Variants in ZNF786 observed in about 807,000 individuals in gnomAD.
The protein encoded by ZNF786 is zinc finger protein 786.
In ZNF786, 56 loss-of-function variants were observed where a neutral mutation model predicts 63.1. The ratio of observed to expected loss-of-function variants is 0.89; its 90% CI spans 0.72 to 1.11. The LOEUF is 1.11. Ranked by LOEUF, ZNF786 falls within the 50% of genes least tolerant of loss-of-function variation. ZNF786 has a pLI of 0.00. For synonymous variants in ZNF786, 485 were observed against 406.9 expected (o/e 1.19, Z -2.31); for missense variants, 1,213 against 1,041.8 (o/e 1.16, Z -2.26).
At chr7:149,086,711 AG>A (rs1825745289) in intron 1 of ZNF786, among the ~76,000 whole-genome samples, 1 of 151,986 alleles carries the variant, frequency 6.6e-6, no homozygotes, top group Admixed American at 6.6e-5. Flanking sequence ...GCAAGACAGA[AG>A]GGGGGATGTC....
intron 3 of ZNF786, among the ~76,000 whole-genome samples, chr7:149,073,713 G>A (rs1354526380): frequency 7.9e-6 from 1 of 125,914 alleles, no homozygotes; most frequent in African/African-American, 2.8e-5. Flanking sequence ...ACGTGTGTGT[G>A]TATATGTGTG....
At chr7:149,085,561 C>T (rs1411768702) in intron 1 of ZNF786, among the ~76,000 whole-genome samples, 1 of 152,166 alleles carries the variant, frequency 6.6e-6, no homozygotes, top group African/African-American at 2.4e-5. Context: ...ATGATCTGCC[C>T]GCCTTGGCCT....
chr7:149,080,623 A>G lies in ZNF786; in HGVS notation c.113T>C (p.Met38Thr), dbSNP rs369912537. ...GACGAGAGTCTCATAATTGCTTCTCATCACATGCTTGTAAAGTTCCTTCTG... is the reference window on the plus strand; with the variant it reads ...GACGAGAGTCTCATAATTGCTTCTCGTCACATGCTTGTAAAGTTCCTTCTG... ...AWQKELYKHVMRSNYETLVSL... is the reference protein window; with the variant it reads ...AWQKELYKHVTRSNYETLVSL... The change falls in exon 2 of 4, where the codon ATG becomes ACG. Residue 38 changes from methionine (M) to threonine (T), a missense_variant. Physicochemically the swap from Met to Thr is moderately conservative, Grantham distance 81. Coordinates refer to ENST00000491431, the MANE Select transcript of ZNF786 (RefSeq NM_152411.4). The G allele has an allele frequency of 3.1e-5, 50 of 1,612,076 alleles. No homozygotes were observed. Among genetic ancestry groups the G allele is most frequent in the Non-Finnish European group, 4.1e-5 (48 of 1,179,246 alleles).
chr7:149,078,486 A>G (rs1425101163), intron 2 of ZNF786, among the ~76,000 whole-genome samples: 1 of 152,052 alleles, frequency 6.6e-6, no homozygotes, highest in African/African-American at 2.4e-5. Flanking sequence ...GGAGTTTGAG[A>G]CCAGCCTGAC....
chr7:149,079,008 A>T (rs1453770718), intron 2 of ZNF786, among the ~76,000 whole-genome samples: 1 of 152,218 alleles, frequency 6.6e-6, no homozygotes. Context: ...TAAACTCGAT[A>T]AATCAAGTTA....
chr7:149,077,316 G>A (rs995903318), intron 2 of ZNF786, among the ~76,000 whole-genome samples: 5 of 152,284 alleles, frequency 3.3e-5, no homozygotes, highest in Non-Finnish European at 7.3e-5. Flanking sequence ...AAAGATCCAT[G>A]TAACTGACTA....
In ZNF786 at chr7:149,072,282, C is replaced by T. The variant is rs1322660431; in HGVS notation, c.490G>A (p.Gly164Arg). The part of the protein sequence containing the change: ...CGPSESTLKE[G>R]IPGPRNLDLP... ...TCCAGATTTCTGGGACCTGGGATTC[C>T]TTCTTTTAGGGTAGATTCACTGGGG... is the stretch of plus-strand genomic sequence containing the variant. Residue 164 changes from glycine (G) to arginine (R), a missense_variant, in exon 4 of 4, where the codon GGA becomes AGA. By Grantham distance (125) the Gly-to-Arg change is moderately radical (BLOSUM62 -2). Transcript: ENST00000491431. 2 of 1,613,656 alleles carry T rather than the reference C, an allele frequency of 1.2e-6. No homozygotes were observed. Among genetic ancestry groups the T allele is most frequent in the Non-Finnish European group, 8.5e-7 (1 of 1,179,794 alleles).
chr7:149,071,405 G>A lies in ZNF786; in HGVS notation c.1367C>T (p.Ala456Val), dbSNP rs1402263557. The A allele has an allele frequency of 6.2e-7, 1 of 1,612,800 alleles. No homozygotes were observed. ...CTGACGGAAGTTCCTGCCACACTTG[G>A]CACACCGGAAAGGCTTCTCTCCGCT... Reference protein sequence around the residue: ...VHSGEKPFRCAKCGRNFRQRG... With the variant: ...VHSGEKPFRCVKCGRNFRQRG... The change falls in exon 4 of 4, where the codon GCC (alanine) becomes GTC (valine). Residue 456 changes from alanine to valine, a missense_variant. Physicochemically the swap from Ala to Val is moderately conservative, Grantham distance 64. Coordinates refer to ENST00000491431, the MANE Select transcript of ZNF786 (RefSeq NM_152411.4).
chr7:149,075,655 GTTTTTTTTTT>G (rs1165713050), intron 2 of ZNF786, among the ~76,000 whole-genome samples: 28 of 69,468 alleles, frequency 4.0e-4, no homozygotes, highest in South Asian at 1.4e-3. Context: ...CACACTTCAG[GTTTTTTTTTT>G]TTTTTTTTTT....
intron 2 of ZNF786, among the ~76,000 whole-genome samples, chr7:149,075,511 C>T (rs751856784): frequency 2.6e-5 from 4 of 152,052 alleles, no homozygotes; most frequent in Non-Finnish European, 5.9e-5. Context: ...TCTCAAAGTG[C>T]TGCGATTACA....
At chr7:149,086,988 G>T (rs536825689) in intron 1 of ZNF786, among the ~76,000 whole-genome samples, 1 of 152,000 alleles carries the variant, frequency 6.6e-6, no homozygotes, top group African/African-American at 2.4e-5. Flanking sequence ...GACTACAGGC[G>T]CCTGCCAACA....
At chr7:149,073,730 T>TGC (rs764473841) in intron 3 of ZNF786, among the ~76,000 whole-genome samples, 4,563 of 66,516 alleles carry the variant, frequency 0.069, 120 homozygotes, top group South Asian at 0.1. Flanking sequence ...TGTGCGTGTG[T>TGC]GTGTGTGTGT....
chr7:149,088,189 G>A (rs1825768251), intron 1 of ZNF786, among the ~76,000 whole-genome samples: 1 of 152,024 alleles, frequency 6.6e-6, no homozygotes, highest in Non-Finnish European at 1.5e-5. Flanking sequence ...TTTTAGTAGA[G>A]ATGAGATTTC....
intron 1 of ZNF786, among the ~76,000 whole-genome samples, chr7:149,085,732 A>C (rs1442051071): frequency 6.6e-6 from 1 of 152,034 alleles, no homozygotes; most frequent in Non-Finnish European, 1.5e-5. Flanking sequence ...ATGAGCATTA[A>C]ATGTTTTTCC....
chr7:149,084,425 G>A lies in ZNF786; in HGVS notation c.19-3708C>T, dbSNP rs183235847. On this transcript the variant is annotated intron_variant, in intron 1 of 3. Transcript: ENST00000491431. ...AAATCACCAAACTGCTTTCCACAAC[G>A]GCTGAACTAATTTACATTCCCACCA... 1.7e-4 allele frequency among the ~76,000 whole-genome samples: 25 copies of A among 150,964 alleles called. No homozygotes were observed. The South Asian group carries it at 1.9e-3, about 11-fold the overall frequency.
chr7:149,071,426 C>T lies in ZNF786; in HGVS notation c.1346G>A (p.Gly449Glu). 2 of 1,613,442 alleles carry T rather than the reference C, an allele frequency of 1.2e-6. No individual in the cohort carries two copies. Among genetic ancestry groups the T allele is most frequent in the East Asian group, 2.2e-5 (1 of 44,830 alleles). The change falls in exon 4 of 4, where the codon GGA becomes GAA. Residue 449 changes from glycine to glutamate, a missense_variant. Transcript: ENST00000491431. Reference protein sequence around the residue: ...KLTEHIRVHSGEKPFRCAKCG... With the variant: ...KLTEHIRVHSEEKPFRCAKCG... ...CTTGGCACACCGGAAAGGCTTCTCT[C>T]CGCTGTGGACTCGAATGTGCTCCGT...
chr7:149,085,394 C>A (rs1825718643), intron 1 of ZNF786, among the ~76,000 whole-genome samples: 1 of 152,152 alleles, frequency 6.6e-6, no homozygotes, highest in Non-Finnish European at 1.5e-5. Flanking sequence ...CATAGCTAAA[C>A]CCCATCTCTA....
Position 149,080,576 on chromosome 7 carries a change from G to A in ZNF786, c.145+15C>T. 6.4e-7 allele frequency: 1 copy of A among 1,573,358 alleles called. No homozygotes were observed. The highest frequency in any genetic ancestry group is 1.2e-5 in the South Asian group (1 of 83,252). ...CCAGTTCCATGACCTACCCACAAAGGTGAACAGGTCTTACCTAGAGAGACG... is the reference window on the plus strand; with the variant it reads ...CCAGTTCCATGACCTACCCACAAAGATGAACAGGTCTTACCTAGAGAGACG... On this transcript the variant is annotated intron_variant, in intron 2 of 3. Coordinates refer to ENST00000491431, the MANE Select transcript of ZNF786 (RefSeq NM_152411.4).
rs962500626 is a variant in ZNF786, at chr7:149,071,130, G to A, written c.1642C>T (p.Leu548=). The A allele has an allele frequency of 5.6e-6, 9 of 1,611,398 alleles. No individual in the cohort carries two copies. Among genetic ancestry groups the A allele is most frequent in the Non-Finnish European group, 6.8e-6 (8 of 1,179,062 alleles). The change falls in exon 4 of 4, where the codon CTG becomes TTG. Residue 548 remains leucine, a synonymous_variant. Coordinates refer to ENST00000491431, the MANE Select transcript of ZNF786 (RefSeq NM_152411.4). ...QCLKCDKRFR[L]KGILKAHQHT... is the part of the protein sequence containing the mutation. The stretch of plus-strand genomic sequence containing the variant: ...TGGTGGGCCTTCAGGATGCCCTTCA[G>A]GCGGAAGCGCTTGTCGCACTTCAGG...
Sources: allele counts gnomAD v4.1 joint callset (sites outside exome capture counted in the v4.1 genomes callset), GRCh38; gene constraint gnomAD v4.1.1; transcripts MANE v1.5; gene names NCBI Gene and HGNC (gene_info 2026-07-23, HGNC 2026-07-21).